AFF3: variants seen among roughly 807,000 people sequenced by gnomAD.
AFF3 encodes the protein ALF transcription elongation factor 3.
AFF3 carries 32 observed loss-of-function variants against 129.7 expected under a neutral mutation model. The observed-to-expected ratio is 0.25, with a 90% CI of 0.19 to 0.33. AFF3 has a LOEUF of 0.33. Ranked by LOEUF, AFF3 falls within the 10% of genes least tolerant of loss-of-function variation. The pLI is 1.00. For synonymous variants in AFF3, 644 were observed against 635.4 expected, an observed-to-expected ratio of 1.01 and a Z score of -0.20; for missense variants, 1,373 against 1,592.0, an observed-to-expected ratio of 0.86 and a Z score of 2.34.
intron 9 of AFF3, among the ~76,000 whole-genome samples, chr2:99,750,014 C>T (rs1681498393): frequency 6.6e-6 from 1 of 152,102 alleles, no homozygotes; most frequent in Non-Finnish European, 1.5e-5. Flanking sequence ...ATCGTAACAT[C>T]CACAACTAAA....
chr2:99,792,257 C>T (rs1358066077), intron 8 of AFF3, among the ~76,000 whole-genome samples: 4 of 152,084 alleles, frequency 2.6e-5, no homozygotes, highest in Non-Finnish European at 2.9e-5. Context: ...GAGGATCACT[C>T]GAAGCCAGGA....
chr2:99,892,316 A>G (rs1693632846), intron 7 of AFF3, among the ~76,000 whole-genome samples: 1 of 152,260 alleles, frequency 6.6e-6, no homozygotes, highest in Non-Finnish European at 1.5e-5. Flanking sequence ...ACACTTGAAA[A>G]TAATATGTAG....
chr2:99,636,792 T>C (rs1263143583), intron 13 of AFF3, among the ~76,000 whole-genome samples: 1 of 152,064 alleles, frequency 6.6e-6, no homozygotes, highest in African/African-American at 2.4e-5. Flanking sequence ...GCCGCCCCAG[T>C]GAACAGGGAG....
intron 8 of AFF3, among the ~76,000 whole-genome samples, chr2:99,758,722 T>C (rs1682329322): frequency 1.3e-5 from 2 of 152,168 alleles, no homozygotes; most frequent in African/African-American, 4.8e-5. Flanking sequence ...TTTTGTCACT[T>C]ATGCCCAATC....
chr2:100,087,633 T>C (rs1689551447), intron 4 of AFF3, among the ~76,000 whole-genome samples: 1 of 151,780 alleles, frequency 6.6e-6, no homozygotes, highest in Admixed American at 6.6e-5. Flanking sequence ...CATGGGCATG[T>C]CCTGAGAAAG....
chr2:100,026,050 G>A (rs1684011884), intron 4 of AFF3, among the ~76,000 whole-genome samples: 1 of 152,116 alleles, frequency 6.6e-6, no homozygotes, highest in South Asian at 2.1e-4. Context: ...TAAACAGCTG[G>A]GACTTAATTA....
At chr2:99,554,624 G>A (rs1674748644) in intron 23 of AFF3, 59 bp downstream of exon 23, 7 of 1,612,752 alleles carry the variant, frequency 4.3e-6, no homozygotes, top group African/African-American at 1.3e-5. Context: ...GCAAAGCGCA[G>A]TGGCCCAGCA....
chr2:99,642,544 A>C (rs965407047), intron 13 of AFF3, among the ~76,000 whole-genome samples: 1 of 152,216 alleles, frequency 6.6e-6, no homozygotes, highest in African/African-American at 2.4e-5. Flanking sequence ...TTAACCACAA[A>C]GCATTGGTCT....
intron 7 of AFF3, among the ~76,000 whole-genome samples, chr2:99,906,033 T>C (rs149431334): frequency 2.6e-5 from 4 of 152,302 alleles, no homozygotes; most frequent in African/African-American, 7.2e-5. Flanking sequence ...GAAACTTTCA[T>C]AGGTCCCAAC....
chr2:99,979,758 T>C (rs1207790751), intron 7 of AFF3, among the ~76,000 whole-genome samples: 1 of 152,204 alleles, frequency 6.6e-6, no homozygotes, highest in Non-Finnish European at 1.5e-5. Flanking sequence ...ACTGGGATTA[T>C]AGGCATGAGC....
chr2:99,584,131 G>A (rs1677854796), intron 16 of AFF3, among the ~76,000 whole-genome samples: 1 of 152,184 alleles, frequency 6.6e-6, no homozygotes, highest in South Asian at 2.1e-4. Flanking sequence ...CTGAGTTTAT[G>A]ACTTAACCAG....
At chr2:99,648,014 T>A (rs959884150) in intron 13 of AFF3, among the ~76,000 whole-genome samples, 12 of 152,244 alleles carry the variant, frequency 7.9e-5, no homozygotes, top group Non-Finnish European at 1.3e-4. Flanking sequence ...AGTCCTAGTT[T>A]CTGATGAATT....
At chr2:99,832,835 C>T (rs908441257) in intron 8 of AFF3, among the ~76,000 whole-genome samples, 1 of 152,126 alleles carries the variant, frequency 6.6e-6, no homozygotes, top group Non-Finnish European at 1.5e-5. Flanking sequence ...ATTAATGGCG[C>T]ACCTCTACAG....
intron 11 of AFF3, among the ~76,000 whole-genome samples, chr2:99,683,404 G>A (rs913621277): frequency 6.6e-6 from 1 of 152,120 alleles, no homozygotes; most frequent in East Asian, 1.9e-4. Flanking sequence ...ATTCCATCTC[G>A]TGACAACAAC....
At chr2:99,936,484 T>C (rs534802971) in intron 7 of AFF3, among the ~76,000 whole-genome samples, 1 of 152,280 alleles carries the variant, frequency 6.6e-6, no homozygotes, top group East Asian at 1.9e-4. Flanking sequence ...AAAGGCGTTC[T>C]TGTTATCTGT....
At chr2:100,053,846 C>T (rs536864162) in intron 4 of AFF3, among the ~76,000 whole-genome samples, 3 of 152,238 alleles carry the variant, frequency 2.0e-5, no homozygotes, top group East Asian at 1.9e-4. Flanking sequence ...TCTGAAGGGG[C>T]CTGAAGAGTG....
rs13382597 is a variant in AFF3, at chr2:99,961,784, C to A, written c.873+44848G>T. On this transcript the variant is annotated intron_variant, in intron 7 of 24. Transcript: ENST00000672756. ...CAACCCGGACCTGGCATTTCCCAACCCACAGCCTATATACAGCAACAGAAG... is the reference window on the plus strand; with the variant it reads ...CAACCCGGACCTGGCATTTCCCAACACACAGCCTATATACAGCAACAGAAG... Among the ~76,000 whole-genome samples, 14 of 152,218 alleles carry A rather than the reference C, an allele frequency of 9.2e-5. No homozygotes were observed. The South Asian group carries it at 2.5e-3, about 27-fold the overall frequency.
intron 13 of AFF3, among the ~76,000 whole-genome samples, chr2:99,610,408 T>C (rs1270778286): frequency 6.6e-6 from 1 of 152,216 alleles, no homozygotes; most frequent in Non-Finnish European, 1.5e-5. Flanking sequence ...AACTAAATTA[T>C]TGAGATACAA....
In AFF3 at chr2:99,841,810, C is replaced by T. The variant is rs142441158; in HGVS notation, c.874-4286G>A. Among the ~76,000 whole-genome samples, 7 of 152,330 alleles carry T rather than the reference C, an allele frequency of 4.6e-5. No homozygotes were observed. In the East Asian group the frequency reaches 1.2e-3, roughly 25 times the overall value. ...GCAGAATCCACTCACATTTCAACAC[C>T]AGCTCATTGAGTTCTCTACTATCTC... is the stretch of plus-strand genomic sequence containing the variant. On this transcript the variant is annotated intron_variant, in intron 7 of 24. Coordinates refer to ENST00000672756, the MANE Select transcript of AFF3 (RefSeq NM_001386135.1).
Sources: allele counts gnomAD v4.1 joint callset (sites outside exome capture counted in the v4.1 genomes callset), GRCh38; gene constraint gnomAD v4.1.1; transcripts MANE v1.5; gene names NCBI Gene and HGNC (gene_info 2026-07-23, HGNC 2026-07-21).